AGBL4: variants seen among roughly 807,000 people sequenced by gnomAD.
AGBL4 encodes the protein AGBL carboxypeptidase 4.
AGBL4 carries 58 observed loss-of-function variants against 66.4 expected under a neutral mutation model. The observed-to-expected ratio is 0.87, with a 90% confidence interval of 0.71 to 1.09. The LOEUF (loss-of-function observed/expected upper bound fraction) is 1.09. Ranked by LOEUF, AGBL4 falls within the 50% of genes least tolerant of loss-of-function variation. AGBL4 has a pLI of 0.00. For missense variants in AGBL4, 579 were observed against 631.0 expected, an observed-to-expected ratio of 0.92 and a Z score of 0.88; for synonymous variants, 234 against 222.9, an observed-to-expected ratio of 1.05 and a Z score of -0.44.
rs944432021 is a variant in AGBL4 at position 49,979,746 on chromosome 1, G to C, written c.34+44017C>G. 5.3e-5 allele frequency among the ~76,000 whole-genome samples: 8 copies of C among 152,018 alleles called. No individual in the cohort carries two copies. The South Asian group carries it at 1.2e-3, about 24-fold the overall frequency. On this transcript the variant is annotated intron_variant, in intron 1 of 13. Coordinates refer to ENST00000371839, the MANE Select transcript of AGBL4 (RefSeq NM_032785.4). ...TTGCATTAAAAAATAGTCTTTCTTC[G>C]TTTAGTGCAATACCATAAACTTTGA...
At chr1:49,472,743 G>T (rs555261451) in intron 3 of AGBL4, among the ~76,000 whole-genome samples, 1 of 151,840 alleles carries the variant, frequency 6.6e-6, no homozygotes. Flanking sequence ...GCTGAGTATT[G>T]GGTTTCTAAC....
At position 49,916,879 on chromosome 1, in the gene AGBL4, G is replaced by A. The variant is rs1032644611; in HGVS notation, c.35-65361C>T. Among the ~76,000 whole-genome samples the A allele has an allele frequency of 7.2e-5, 11 of 152,096 alleles. No homozygotes were observed. The East Asian group carries it at 7.7e-4, about 11-fold the overall frequency. On this transcript the variant is annotated intron_variant, in intron 1 of 13. Transcript: ENST00000371839. ...AAGGGAAGCCCATCAGACTAACAGC[G>A]GATCTCTCGGCAGAAACCCTACAAG...
chr1:49,158,616 T>C (rs890473681), intron 4 of AGBL4, among the ~76,000 whole-genome samples: 4 of 152,142 alleles, frequency 2.6e-5, no homozygotes, highest in Non-Finnish European at 5.9e-5. Context: ...AAGTCCTGAA[T>C]ATCCTTGTTA....
intron 2 of AGBL4, among the ~76,000 whole-genome samples, chr1:49,751,969 CT>C (rs561445229): frequency 1.8e-3 from 259 of 141,608 alleles, no homozygotes; most frequent in Middle Eastern, 3.7e-3. Flanking sequence ...TCTCTCTTTT[CT>C]TTTTTTTTTT....
chr1:48,988,262 A>G (rs974497608), intron 5 of AGBL4, among the ~76,000 whole-genome samples: 1 of 152,150 alleles, frequency 6.6e-6, no homozygotes, highest in Non-Finnish European at 1.5e-5. Context: ...TCTCCACTGT[A>G]ATGTAACAAA....
chr1:49,462,455 G>A (rs947404572), intron 3 of AGBL4, among the ~76,000 whole-genome samples: 1 of 151,632 alleles, frequency 6.6e-6, no homozygotes, highest in Non-Finnish European at 1.5e-5. Context: ...CCAGCAAGAT[G>A]AACCATCAGT....
intron 6 of AGBL4, among the ~76,000 whole-genome samples, chr1:48,767,820 G>A (rs1404000265): frequency 6.6e-6 from 1 of 152,136 alleles, no homozygotes; most frequent in Non-Finnish European, 1.5e-5. Context: ...TCCAGGGCAA[G>A]GGAAACCACC....
chr1:49,604,789 AC>A (rs1346683866), intron 3 of AGBL4, among the ~76,000 whole-genome samples: 1 of 151,984 alleles, frequency 6.6e-6, no homozygotes. Flanking sequence ...ATTATCTTTT[AC>A]CCTCCGAAAC....
At chr1:49,623,958 G>C (rs747715891) in intron 3 of AGBL4, among the ~76,000 whole-genome samples, 18 of 151,962 alleles carry the variant, frequency 1.2e-4, no homozygotes, top group Non-Finnish European at 1.9e-4. Context: ...CTCATCTGTA[G>C]AATGAGAATA....
At chr1:49,585,271 A>G (rs1644625621) in intron 3 of AGBL4, among the ~76,000 whole-genome samples, 1 of 152,182 alleles carries the variant, frequency 6.6e-6, no homozygotes, top group Admixed American at 6.5e-5. Context: ...ATAATATGAC[A>G]AAGGTGATAG....
intron 3 of AGBL4, among the ~76,000 whole-genome samples, chr1:49,509,177 C>T (rs1283404394): frequency 1.3e-5 from 2 of 151,620 alleles, no homozygotes; most frequent in Admixed American, 6.6e-5. Flanking sequence ...GAGGCTTGAA[C>T]GACGGATTAG....
downstream of AGBL4, among the ~76,000 whole-genome samples, chr1:48,528,444 G>A (rs959674172): frequency 3.3e-5 from 5 of 152,124 alleles, no homozygotes; most frequent in African/African-American, 1.2e-4. Context: ...AGGGGAACAA[G>A]TAAATTTTAA....
intron 3 of AGBL4, among the ~76,000 whole-genome samples, chr1:49,645,942 A>C (rs577020285): frequency 2.6e-5 from 4 of 151,694 alleles, no homozygotes; most frequent in South Asian, 4.1e-4. Context: ...TACCTAAACA[A>C]ATGCAGAAAA....
At chr1:49,357,159 G>C (rs1007675897) in intron 3 of AGBL4, among the ~76,000 whole-genome samples, 1 of 152,164 alleles carries the variant, frequency 6.6e-6, no homozygotes, top group African/African-American at 2.4e-5. Context: ...AAAGAAGACT[G>C]GTTGCCTTTC....
intron 5 of AGBL4, among the ~76,000 whole-genome samples, chr1:48,961,027 A>G (rs1186546005): frequency 6.6e-6 from 1 of 152,332 alleles, no homozygotes; most frequent in East Asian, 1.9e-4. Context: ...ATATGAGGAC[A>G]GAGACAGTAC....
chr1:49,237,398 A>G (rs1650845388), intron 4 of AGBL4, among the ~76,000 whole-genome samples: 1 of 151,674 alleles, frequency 6.6e-6, no homozygotes, highest in Non-Finnish European at 1.5e-5. Flanking sequence ...CCCCAGCCAC[A>G]TAGAATTGTA....
At chr1:49,543,141 C>G (rs946166668) in intron 3 of AGBL4, among the ~76,000 whole-genome samples, 1 of 151,930 alleles carries the variant, frequency 6.6e-6, no homozygotes, top group Non-Finnish European at 1.5e-5. Context: ...CAGTTCTGTC[C>G]CTCTCTAGTC....
At chr1:49,900,249 T>G (rs1419981288) in intron 1 of AGBL4, among the ~76,000 whole-genome samples, 2 of 151,994 alleles carry the variant, frequency 1.3e-5, no homozygotes, top group Non-Finnish European at 2.9e-5. Flanking sequence ...ATTAATTTTA[T>G]TTTTTTATTT....
intron 2 of AGBL4, among the ~76,000 whole-genome samples, chr1:49,821,485 C>T (rs1267301764): frequency 6.6e-6 from 1 of 152,144 alleles, no homozygotes; most frequent in East Asian, 1.9e-4. Flanking sequence ...GATAGACTTA[C>T]CTTAACTACC....
Sources: gnomAD v4.1 joint callset for allele counts (sites outside exome capture counted in the v4.1 genomes callset) on GRCh38, gnomAD v4.1.1 for gene constraint, MANE v1.5 for transcripts, NCBI Gene and HGNC (gene_info 2026-07-23, HGNC 2026-07-21) for gene names.